The following SLC8A3 variants were observed in gnomAD, a reference collection of about 807,000 sequenced individuals.
SLC8A3 encodes the protein sodium/calcium exchanger 3.
SLC8A3 carries 37 observed loss-of-function variants against 65.4 expected under a neutral mutation model. The observed-to-expected ratio is 0.57, with a 90% CI of 0.44 to 0.74. The LOEUF is 0.74. SLC8A3 is among the 30% of genes least tolerant of loss of function. SLC8A3 has a pLI of 0.00. For synonymous variants in SLC8A3, 461 were observed against 444.5 expected, an observed-to-expected ratio of 1.04 and a Z score of -0.47; for missense variants, 1,112 against 1,172.1, an observed-to-expected ratio of 0.95 and a Z score of 0.75.
intron 2 of SLC8A3, among the ~76,000 whole-genome samples, chr14:70,119,816 T>A (rs1371215187): frequency 6.6e-6 from 1 of 152,260 alleles, no homozygotes; most frequent in East Asian, 1.9e-4. Flanking sequence ...TCTTGGCACA[T>A]TGCCTGACAA....
In SLC8A3 at chr14:70,168,091, T is replaced by G. The variant is rs148347484; in HGVS notation, c.332A>C (p.Glu111Ala). The G allele has an allele frequency of 3.1e-6, 5 of 1,613,894 alleles. No individual in the cohort carries two copies. Among genetic ancestry groups the G allele is most frequent in the Non-Finnish European group, 4.2e-6 (5 of 1,179,996 alleles). Residue 111 changes from glutamate (E) to alanine (A), a missense_variant, in exon 2 of 7, where the codon GAG (glutamate) becomes GCG (alanine). Transcript: ENST00000356921. ...SIEVITSQER[E>A]VTIKKPNGET... ...TCCATTGGGTTTCTTAATTGTCACC[T>G]CCCTCTCTTGAGAGGTGATGACTTC...
intron 6 of SLC8A3, 189 bp downstream of exon 6, chr14:70,048,578 G>A: frequency 2.9e-6 from 2 of 687,064 alleles, no homozygotes; most frequent in South Asian, 3.1e-5. Flanking sequence ...CATTGAAAGT[G>A]CTCAAGAAAT....
intron 2 of SLC8A3, among the ~76,000 whole-genome samples, chr14:70,076,228 A>C (rs1890504748): frequency 6.6e-6 from 1 of 152,106 alleles, no homozygotes; most frequent in Admixed American, 6.5e-5. Flanking sequence ...TAAATGTCTT[A>C]GCTTACATGC....
chr14:70,168,987 A>G (rs1897332142), intron 1 of SLC8A3, among the ~76,000 whole-genome samples: 1 of 152,200 alleles, frequency 6.6e-6, no homozygotes, highest in Admixed American at 6.5e-5. Context: ...TAATGTATAC[A>G]TATTTCCTTG....
chr14:70,143,115 G>T (rs537703167), intron 2 of SLC8A3, among the ~76,000 whole-genome samples: 1 of 152,288 alleles, frequency 6.6e-6, no homozygotes, highest in African/African-American at 2.4e-5. Context: ...ACAGGCTTTT[G>T]CTTCTGAGCA....
intron 2 of SLC8A3, among the ~76,000 whole-genome samples, chr14:70,067,803 C>T (rs80028357): frequency 0.022 from 3,355 of 152,326 alleles, 55 homozygotes; most frequent in South Asian, 0.074. Flanking sequence ...CAGGGTATAA[C>T]TTACTGGTTC....
chr14:70,143,801 C>A (rs1391350911), intron 2 of SLC8A3, among the ~76,000 whole-genome samples: 2 of 152,136 alleles, frequency 1.3e-5, no homozygotes, highest in Non-Finnish European at 2.9e-5. Flanking sequence ...CTCTTCCCCC[C>A]AGAGAACCAG....
At position 70,166,721 on chromosome 14, in the gene SLC8A3, T is replaced by A. The variant is rs1401153339; in HGVS notation, c.1702A>T (p.Thr568Ser). The change falls in exon 2 of 7, where the codon ACA becomes TCA. Residue 568 changes from threonine (T) to serine (S), a missense_variant. Physicochemically the swap from Thr to Ser is moderately conservative, Grantham distance 58. Coordinates refer to ENST00000356921, the MANE Select transcript of SLC8A3 (RefSeq NM_182932.3). ...ARGTVIVPFR[T>S]VEGTAKGGGE... ...CCACCCTTGGCTGTCCCTTCTACTG[T>A]CCTAAAGGGGACGATGACTGTACCC... 4 of 1,613,878 alleles carry A rather than the reference T, an allele frequency of 2.5e-6. No individual in the cohort carries two copies. Among genetic ancestry groups the A allele is most frequent in the African/African-American group, 2.7e-5 (2 of 74,902 alleles).
intron 3 of SLC8A3, among the ~76,000 whole-genome samples, chr14:70,055,403 A>T (rs979825507): frequency 6.6e-6 from 1 of 151,696 alleles, no homozygotes; most frequent in African/African-American, 2.4e-5. Flanking sequence ...TTTTTTTCAA[A>T]TCCTGTCACA....
chr14:70,173,342 C>T (rs1416586255), intron 1 of SLC8A3, among the ~76,000 whole-genome samples: 1 of 152,088 alleles, frequency 6.6e-6, no homozygotes, highest in East Asian at 1.9e-4. Flanking sequence ...GTCACACTCC[C>T]CTCTCTCAGT....
chr14:70,100,173 T>C (rs1236537984), intron 2 of SLC8A3, among the ~76,000 whole-genome samples: 1 of 152,230 alleles, frequency 6.6e-6, no homozygotes, highest in Admixed American at 6.5e-5. Flanking sequence ...TCCCTTGGAA[T>C]AAATAACTGG....
chr14:70,166,694 C>T lies in SLC8A3; in HGVS notation c.1729G>A (p.Gly577Ser), dbSNP rs41286548. The change falls in exon 2 of 7, where the codon GGT (glycine) becomes AGT (serine). Residue 577 changes from glycine to serine, a missense_variant. Physicochemically the swap from Gly to Ser is moderately conservative, Grantham distance 56. Transcript: ENST00000356921. ...RTVEGTAKGG[G>S]EDFEDTYGEL... Reference sequence around the variant, plus strand: ...CCATATGTGTCTTCAAAGTCCTCACCGCCACCCTTGGCTGTCCCTTCTACT... The same window carrying T: ...CCATATGTGTCTTCAAAGTCCTCACTGCCACCCTTGGCTGTCCCTTCTACT... The T allele has an allele frequency of 0.019, 30,380 of 1,612,974 alleles. 335 individuals are homozygous for T. The highest frequency in any genetic ancestry group is 0.023 in the Middle Eastern group (139 of 6,056).
At chr14:70,105,506 C>A (rs965706598) in intron 2 of SLC8A3, among the ~76,000 whole-genome samples, 1 of 151,966 alleles carries the variant, frequency 6.6e-6, no homozygotes, top group Non-Finnish European at 1.5e-5. Flanking sequence ...ATGACATGGG[C>A]AAACTTCTTG....
Position 70,046,295 on chromosome 14 carries a change from G to T in SLC8A3, c.2418C>A (p.Leu806=). Residue 806 remains leucine, a synonymous_variant, in exon 7 of 7, where the codon CTC becomes CTA. Coordinates refer to ENST00000356921, the MANE Select transcript of SLC8A3 (RefSeq NM_182932.3). The surrounding 1 kb of genome is among the most constrained non-coding windows in gnomAD (Gnocchi z 4.2). ...PDTFASKAAA[L]QDVYADASIG... is the part of the protein sequence containing the mutation. ...TGGAGGCGTCTGCATATACATCCTGGAGGGCAGCAGCTTTGCTGGCAAACG... is the reference window on the plus strand; with the variant it reads ...TGGAGGCGTCTGCATATACATCCTGTAGGGCAGCAGCTTTGCTGGCAAACG... The T allele has an allele frequency of 6.2e-7, 1 of 1,610,712 alleles. No homozygotes were observed. The highest frequency in any genetic ancestry group is 8.5e-7 in the Non-Finnish European group (1 of 1,177,854).
At chr14:70,055,619 A>G (rs1256680999) in intron 3 of SLC8A3, among the ~76,000 whole-genome samples, 1 of 152,176 alleles carries the variant, frequency 6.6e-6, no homozygotes, top group Non-Finnish European at 1.5e-5. Context: ...CTTCCTCACA[A>G]TTGCTTTCTC....
intron 2 of SLC8A3, chr14:70,079,964 C>T: frequency 2.6e-6 from 1 of 389,992 alleles, no homozygotes; most frequent in Non-Finnish European, 3.5e-6. Flanking sequence ...AAATCTCTTA[C>T]CTCTTTGAGC....
intron 2 of SLC8A3, among the ~76,000 whole-genome samples, 159 bp from the exon 3 acceptor site, chr14:70,061,098 T>G (rs1375880145): frequency 6.6e-6 from 1 of 152,154 alleles, no homozygotes; most frequent in Non-Finnish European, 1.5e-5. Context: ...TGTGTTGTTC[T>G]CAGGTAATAA....
At chr14:70,088,862 C>A (rs1021181569) in intron 2 of SLC8A3, among the ~76,000 whole-genome samples, 1 of 152,186 alleles carries the variant, frequency 6.6e-6, no homozygotes, top group African/African-American at 2.4e-5. Context: ...CAATCAGGAA[C>A]CAGATCCTGT....
intron 2 of SLC8A3, among the ~76,000 whole-genome samples, chr14:70,070,124 G>A (rs1451912970): frequency 1.3e-5 from 2 of 152,166 alleles, no homozygotes; most frequent in African/African-American, 4.8e-5. Flanking sequence ...TATCTTGAGA[G>A]GGACTTTGGA....
Sources: gnomAD v4.1 joint callset for allele counts (sites outside exome capture counted in the v4.1 genomes callset) on GRCh38, gnomAD v4.1.1 for gene constraint, Gnocchi (gnomAD v3.1) non-coding constraint, MANE v1.5 for transcripts, NCBI Gene and HGNC (gene_info 2026-07-23, HGNC 2026-07-21) for gene names.